The following NFATC2 variants were observed in gnomAD, a reference collection of about 807,000 sequenced individuals.
NFATC2 encodes the protein nuclear factor of activated T-cells, cytoplasmic 2.
NFATC2 carries 22 observed loss-of-function variants against 87.3 expected under a neutral mutation model. That is an observed-to-expected ratio of 0.25 (90% CI 0.18 to 0.36). The LOEUF is 0.36. NFATC2 is among the 10% of genes least tolerant of loss of function. NFATC2 has a pLI of 1.00. For missense variants in NFATC2, 1,149 were observed against 1,259.1 expected, an observed-to-expected ratio of 0.91 and a Z score of 1.32; for synonymous variants, 565 against 542.2, an observed-to-expected ratio of 1.04 and a Z score of -0.58.
At chr20:51,454,756 T>G in intron 5 of NFATC2, 68 bp from the exon 6 acceptor site, 1 of 1,561,688 alleles carries the variant, frequency 6.4e-7, no homozygotes, top group African/African-American at 1.3e-5. Flanking sequence ...GAGGTCTGAT[T>G]TCATGGTACT....
intron 2 of NFATC2, among the ~76,000 whole-genome samples, chr20:51,519,839 C>G (rs2076414638): frequency 6.6e-6 from 1 of 151,334 alleles, no homozygotes; most frequent in African/African-American, 2.4e-5. Flanking sequence ...TCACTTGAAC[C>G]CAGGAGGCAG....
rs76794802 is a variant in NFATC2 at position 51,528,307 on chromosome 20, A to G, written c.131-4197T>C. On this transcript the variant is annotated intron_variant, in intron 1 of 10. Coordinates refer to ENST00000371564, the MANE Select transcript of NFATC2 (RefSeq NM_012340.5). The stretch of plus-strand genomic sequence containing the variant: ...CTGAAGAAGTTCTTTATGCATTGAC[A>G]TGGAATGACCACTGAGATTTAGTAT... 0.01 allele frequency among the ~76,000 whole-genome samples: 1,580 copies of G among 152,316 alleles called. 50 individuals carry two copies. In the South Asian group the frequency reaches 0.12, roughly 11 times the overall value.
At position 51,483,225 on chromosome 20, in the gene NFATC2, T is replaced by C. The variant is rs547344394; in HGVS notation, c.1333-7565A>G. On this transcript the variant is annotated intron_variant, in intron 3 of 10. Coordinates refer to ENST00000371564, the MANE Select transcript of NFATC2 (RefSeq NM_012340.5). ...CTGAAAACGACTCTGCTATCAACTC[T>C]GCTCAGGGCTTTTTAAATACTCTCA... 2.3e-3 allele frequency among the ~76,000 whole-genome samples: 356 copies of C among 152,348 alleles called. 4 individuals carry two copies. The highest frequency in any genetic ancestry group is 8.3e-3 in the African/African-American group (346 of 41,580).
Position 51,524,309 on chromosome 20 carries a change from G to A in NFATC2, c.131-199C>T, listed in dbSNP as rs546785084. Among the ~76,000 whole-genome samples, 1 of 152,296 alleles carries A rather than the reference G, an allele frequency of 6.6e-6. No individual in the cohort carries two copies. Among genetic ancestry groups the A allele is most frequent in the African/African-American group, 2.4e-5 (1 of 41,564 alleles). Reference sequence around the variant, plus strand: ...TGTCCCAGGTCCCTGGAGAAGACAGGTCGAAGCAGAATGAGTTCTGGAAGA... The same window carrying A: ...TGTCCCAGGTCCCTGGAGAAGACAGATCGAAGCAGAATGAGTTCTGGAAGA... On this transcript the variant is annotated intron_variant, in intron 1 of 10. Coordinates refer to ENST00000371564, the MANE Select transcript of NFATC2 (RefSeq NM_012340.5). This position sits in a 1 kb window ranked among gnomAD's most constrained non-coding sequence, Gnocchi z 4.0.
rs1190363401 is a variant in NFATC2, at chr20:51,387,271, T to C, written c.*4225A>G. 1 of 152,186 alleles carries C rather than the reference T, an allele frequency of 6.6e-6. No individual in the cohort carries two copies. The highest frequency in any genetic ancestry group is 2.4e-5 in the African/African-American group (1 of 41,446). The allele number at this position is 152,186 out of a possible 1,614,324, so 9.4% of individuals were successfully genotyped here. On this transcript the variant is annotated 3_prime_UTR_variant, in exon 11 of 11. Coordinates refer to ENST00000371564, the MANE Select transcript of NFATC2 (RefSeq NM_012340.5). ...CTTGTCCCAACAGCCATAGCCTCGG[T>C]CTGCTCAGGCCAATCAGAATGCTGT...
At chr20:51,540,663 T>TTTTGTTTTGTTTG (rs1555818360) in intron 1 of NFATC2, among the ~76,000 whole-genome samples, 3 of 135,692 alleles carry the variant, frequency 2.2e-5, no homozygotes, top group Non-Finnish European at 4.7e-5. Flanking sequence ...TTTTTGTTTT[T>TTTTGTTTTGTTTG]TTTTTTTTGA....
Position 51,523,767 on chromosome 20 carries a change from G to C in NFATC2, c.474C>G (p.Phe158Leu). 2 of 1,609,444 alleles carry C rather than the reference G, an allele frequency of 1.2e-6. No homozygotes were observed. The highest frequency in any genetic ancestry group is 1.7e-6 in the Non-Finnish European group (2 of 1,177,904). ...SPRFTLPVPG[F>L]EGYREPLCLS... The stretch of plus-strand genomic sequence containing the variant: ...AGCAAAGCGGCTCGCGGTAGCCCTC[G>C]AAGCCGGGCACGGGCAGGGTGAACC... The change falls in exon 2 of 11, where the codon TTC (phenylalanine) becomes TTG (leucine). Residue 158 changes from phenylalanine (F) to leucine (L), a missense_variant. Transcript: ENST00000371564. The surrounding 1 kb of genome is among the most constrained non-coding windows in gnomAD (Gnocchi z 6.9).
intron 5 of NFATC2, among the ~76,000 whole-genome samples, chr20:51,456,163 T>C (rs1036550982): frequency 2.6e-5 from 4 of 152,090 alleles, no homozygotes; most frequent in Admixed American, 2.6e-4. Context: ...TGAATGGATA[T>C]GAATATGTCT....
Position 51,435,328 on chromosome 20 carries a change from G to A in NFATC2, c.1906-14C>T, listed in dbSNP as rs766757287. ...AAAAAGCATGTTCTATAAGGAAGGAGTTGTCATGAACTTAACTGCAATCAT... is the reference window on the plus strand; with the variant it reads ...AAAAAGCATGTTCTATAAGGAAGGAATTGTCATGAACTTAACTGCAATCAT... On this transcript the variant is annotated splice_polypyrimidine_tract_variant and intron_variant, in intron 7 of 10. Coordinates refer to ENST00000371564, the MANE Select transcript of NFATC2 (RefSeq NM_012340.5). The A allele has an allele frequency of 3.8e-5, 61 of 1,613,992 alleles. No homozygotes were observed. The highest frequency in any genetic ancestry group is 2.2e-4 in the South Asian group (20 of 91,082).
At chr20:51,400,599 T>C (rs1987920509) in intron 9 of NFATC2, among the ~76,000 whole-genome samples, 1 of 152,174 alleles carries the variant, frequency 6.6e-6, no homozygotes, top group Non-Finnish European at 1.5e-5. Context: ...GCTTCCTGTT[T>C]AGTCATAGAG....
intron 5 of NFATC2, among the ~76,000 whole-genome samples, chr20:51,468,309 A>G (rs928520949): frequency 1.2e-5 from 1 of 82,534 alleles, no homozygotes; most frequent in Non-Finnish European, 2.8e-5. Flanking sequence ...TATCTTAATT[A>G]TACCTCCATA....
intron 1 of NFATC2, among the ~76,000 whole-genome samples, chr20:51,533,191 C>T (rs6067813): frequency 0.32 from 48,417 of 152,158 alleles, 7,803 homozygotes; most frequent in South Asian, 0.48. Flanking sequence ...TCCTGCCCAT[C>T]AGGGGCCACA....
rs539914354 is a variant in NFATC2 at position 51,422,985 on chromosome 20, T to C, written c.2722+9082A>G. Among the ~76,000 whole-genome samples, 9 of 151,504 alleles carry C rather than the reference T, an allele frequency of 5.9e-5. No homozygotes were observed. The South Asian group carries it at 1.9e-3, about 31-fold the overall frequency. On this transcript the variant is annotated intron_variant, in intron 9 of 10. Coordinates refer to ENST00000371564, the MANE Select transcript of NFATC2 (RefSeq NM_012340.5). ...GCTGATATTAGAAAGTTATGTAGAT[T>C]TTTTAACATTATGATATTCTGGCTG...
At chr20:51,465,827 T>C (rs562387841) in intron 5 of NFATC2, among the ~76,000 whole-genome samples, 3 of 152,194 alleles carry the variant, frequency 2.0e-5, no homozygotes, top group African/African-American at 4.8e-5. Context: ...CCCACTAGAA[T>C]GTAACCTTTG....
chr20:51,440,866 C>T lies in NFATC2; in HGVS notation c.1850-5105G>A, dbSNP rs1389356645. ...TTGCAAGGTACCTTGGGGTCATTTT[C>T]CCAGGCTCCTCCTCCCCACTCCACC... is the stretch of plus-strand genomic sequence containing the variant. On this transcript the variant is annotated intron_variant, in intron 6 of 10. Coordinates refer to ENST00000371564, the MANE Select transcript of NFATC2 (RefSeq NM_012340.5). Among the ~76,000 whole-genome samples the T allele has an allele frequency of 4.6e-5, 7 of 152,212 alleles. No individual in the cohort carries two copies. In the East Asian group the frequency reaches 1.2e-3, roughly 25 times the overall value.
chr20:51,556,889 G>A (rs566518050), intron 1 of NFATC2, among the ~76,000 whole-genome samples: 2 of 152,288 alleles, frequency 1.3e-5, no homozygotes, highest in East Asian at 3.9e-4. Flanking sequence ...AGAGAGAGGG[G>A]ATGGGGGCTG....
chr20:51,554,919 C>A (rs2076964838), intron 1 of NFATC2, among the ~76,000 whole-genome samples: 1 of 152,182 alleles, frequency 6.6e-6, no homozygotes, highest in Non-Finnish European at 1.5e-5. Flanking sequence ...GAAAGCACAT[C>A]TGAAGTGGTT....
At chr20:51,540,664 T>TG (rs2076801226) in intron 1 of NFATC2, among the ~76,000 whole-genome samples, 2 of 113,100 alleles carry the variant, frequency 1.8e-5, no homozygotes, top group Admixed American at 8.6e-5. Flanking sequence ...TTTTGTTTTT[T>TG]TTTTTTTGAG....
At chr20:51,543,575 G>A (rs999386227), upstream of NFATC2, among the ~76,000 whole-genome samples, 19 of 152,322 alleles carry the variant, frequency 1.2e-4, no homozygotes, top group African/African-American at 4.3e-4. Context: ...GCTGGAGGGA[G>A]AACGAGGAGT....
Sources: gnomAD v4.1 joint callset for allele counts (sites outside exome capture counted in the v4.1 genomes callset) on GRCh38, gnomAD v4.1.1 for gene constraint, Gnocchi (gnomAD v3.1) non-coding constraint, MANE v1.5 for transcripts, NCBI Gene and HGNC (gene_info 2026-07-23, HGNC 2026-07-21) for gene names.